ARHGEF7: variants seen among roughly 807,000 people sequenced by gnomAD.
The protein encoded by ARHGEF7 is Rho guanine nucleotide exchange factor 7, also known as PAK-interacting exchange factor beta.
ARHGEF7 carries 33 observed loss-of-function variants against 109.8 expected under a neutral mutation model. That is an observed-to-expected ratio of 0.30 (90% CI 0.23 to 0.40). The LOEUF (loss-of-function observed/expected upper bound fraction) is 0.40. Ranked by LOEUF, ARHGEF7 falls within the 10% of genes least tolerant of loss-of-function variation. The pLI is 1.00. For missense variants in ARHGEF7, 938 were observed against 1,098.5 expected (o/e 0.85, Z 2.07); for synonymous variants, 458 against 424.6 (o/e 1.08, Z -0.97).
chr13:111,286,269 G>A, intron 17 of ARHGEF7, 29 bp downstream of exon 17: 1 of 1,577,122 alleles, frequency 6.3e-7, no homozygotes. Flanking sequence ...TGTGGTGGAG[G>A]ACGTGGCCTC....
rs1418549727 is a variant in ARHGEF7 at position 111,273,723 on chromosome 13, A to T, written c.1074-91A>T. On this transcript the variant is annotated intron_variant, in intron 9 of 21. Transcript: ENST00000646102. This position sits in a 1 kb window ranked among gnomAD's most constrained non-coding sequence, Gnocchi z 4.5. ...ATGTTAAAAGCAACACTTATGTTTC[A>T]TAAATTCTGGCTGTTGCTCATGGAG... is the stretch of plus-strand genomic sequence containing the variant. The T allele has an allele frequency of 1.3e-6, 2 of 1,544,602 alleles. No homozygotes were observed. Among genetic ancestry groups the T allele is most frequent in the Non-Finnish European group, 1.8e-6 (2 of 1,124,396 alleles).
intron 4 of ARHGEF7, among the ~76,000 whole-genome samples, chr13:111,211,020 A>AT (rs2082425231): frequency 6.6e-6 from 1 of 152,156 alleles, no homozygotes; most frequent in Non-Finnish European, 1.5e-5. Context: ...GAGGAATGTG[A>AT]TTTTTATGTT....
intron 2 of ARHGEF7, among the ~76,000 whole-genome samples, chr13:111,173,833 G>A (rs1302217585): frequency 6.6e-6 from 1 of 152,162 alleles, no homozygotes; most frequent in Non-Finnish European, 1.5e-5. Context: ...CCGTGAGACA[G>A]GTGCGGGTGT....
At chr13:111,154,889 G>C (rs2076187906) in intron 2 of ARHGEF7, among the ~76,000 whole-genome samples, 1 of 152,028 alleles carries the variant, frequency 6.6e-6, no homozygotes, top group Non-Finnish European at 1.5e-5. Flanking sequence ...TCTGTAAACT[G>C]AGATGGGCAA....
chr13:111,129,686 A>C (rs1390636106), intron 1 of ARHGEF7, among the ~76,000 whole-genome samples: 1 of 152,228 alleles, frequency 6.6e-6, no homozygotes, highest in Non-Finnish European at 1.5e-5. Flanking sequence ...ACCACTACAC[A>C]CGTATCATCA....
chr13:111,177,827 G>A (rs2078313262), intron 2 of ARHGEF7, among the ~76,000 whole-genome samples: 1 of 148,734 alleles, frequency 6.7e-6, no homozygotes, highest in African/African-American at 2.4e-5. Flanking sequence ...CAGATGGTGG[G>A]GAAAAAAGTG....
intron 1 of ARHGEF7, among the ~76,000 whole-genome samples, chr13:111,120,761 A>G (rs9555773): frequency 0.13 from 19,487 of 152,244 alleles, 1,469 homozygotes; most frequent in East Asian, 0.22. Flanking sequence ...ATGTCTGCCC[A>G]GCATGGCAGG....
Position 111,206,974 on chromosome 13 carries a change from AAG to A in ARHGEF7, c.337+1603_337+1604del, listed in dbSNP as rs1491061939. Among the ~76,000 whole-genome samples the A allele has an allele frequency of 5.0e-4, 69 of 139,058 alleles. 10 individuals carry two copies. The highest frequency in any genetic ancestry group is 7.0e-4 in the South Asian group (3 of 4,268). The allele number at this position is 139,058 out of a possible 152,430, so 91.2% of individuals were successfully genotyped here. ...GAGACTCCATCTAAAAAAAAAAAAA[AAG>A]AAAAAGAAAAAAAAAGAAAATCACT... On this transcript the variant is annotated intron_variant, in intron 3 of 21. Transcript: ENST00000646102.
chr13:111,246,203 G>A (rs1054793151), intron 8 of ARHGEF7, among the ~76,000 whole-genome samples: 2 of 152,208 alleles, frequency 1.3e-5, no homozygotes, highest in Admixed American at 1.3e-4. Context: ...TAGTCTATCA[G>A]GTGAGGTTTC....
chr13:111,223,877 G>A (rs956620072), intron 5 of ARHGEF7, among the ~76,000 whole-genome samples: 3 of 139,074 alleles, frequency 2.2e-5, no homozygotes, highest in African/African-American at 8.6e-5. Flanking sequence ...TTTTTTTTGA[G>A]ACAGAGTCTT....
intron 18 of ARHGEF7, among the ~76,000 whole-genome samples, chr13:111,289,439 C>T (rs555591281): frequency 2.0e-3 from 303 of 152,316 alleles, no homozygotes; most frequent in Non-Finnish European, 3.1e-3. Context: ...CTGGCATCTG[C>T]GTGCCCACAA....
intron 1 of ARHGEF7, among the ~76,000 whole-genome samples, chr13:111,142,279 C>T (rs576654056): frequency 1.1e-5 from 1 of 91,938 alleles, no homozygotes; most frequent in Admixed American, 1.1e-4. Context: ...CTTGTTCTCT[C>T]AAGGACTTCG....
At chr13:111,142,150 C>A (rs2075377078) in intron 1 of ARHGEF7, among the ~76,000 whole-genome samples, 1 of 151,688 alleles carries the variant, frequency 6.6e-6, no homozygotes, top group Admixed American at 6.6e-5. Flanking sequence ...GATCTTTTGC[C>A]CATTTTAAAA....
chr13:111,174,869 T>C (rs752561853), intron 2 of ARHGEF7, among the ~76,000 whole-genome samples: 17 of 152,216 alleles, frequency 1.1e-4, no homozygotes, highest in Non-Finnish European at 2.2e-4. Flanking sequence ...GACTAGAAGT[T>C]GCTGACAGTC....
chr13:111,226,934 C>T (rs1044897668), intron 5 of ARHGEF7, among the ~76,000 whole-genome samples: 24 of 152,266 alleles, frequency 1.6e-4, no homozygotes, highest in Middle Eastern at 3.4e-3. Context: ...GTTTGGAAGA[C>T]ATTGATTCTA....
intron 2 of ARHGEF7, among the ~76,000 whole-genome samples, chr13:111,200,052 GGACTACTCGGT>G (rs2153458750): frequency 6.6e-6 from 1 of 152,246 alleles, no homozygotes; most frequent in Non-Finnish European, 1.5e-5. Flanking sequence ...CTGCCGCCGT[GGACTACTCGGT>G]GACTCCTCCT....
At chr13:111,172,256 T>C (rs755679251) in intron 2 of ARHGEF7, among the ~76,000 whole-genome samples, 8 of 152,160 alleles carry the variant, frequency 5.3e-5, no homozygotes, top group Non-Finnish European at 8.8e-5. Context: ...GCATAGTCTC[T>C]TTGGAAATGT....
At chr13:111,246,460 C>T (rs900874135) in intron 8 of ARHGEF7, among the ~76,000 whole-genome samples, 1 of 152,136 alleles carries the variant, frequency 6.6e-6, no homozygotes, top group Admixed American at 6.5e-5. Flanking sequence ...TGTTCCCTTA[C>T]CTTTTTGGCT....
intron 19 of ARHGEF7, chr13:111,294,273 CTTT>C (rs2093372242): frequency 1.0e-6 from 1 of 985,326 alleles, no homozygotes; most frequent in South Asian, 4.7e-5. Context: ...TCAGGGAGCA[CTTT>C]TTTGTTTGCC....
Sources: gnomAD v4.1 joint callset for allele counts (sites outside exome capture counted in the v4.1 genomes callset) on GRCh38, gnomAD v4.1.1 for gene constraint, Gnocchi (gnomAD v3.1) non-coding constraint, MANE v1.5 for transcripts, NCBI Gene and HGNC (gene_info 2026-07-23, HGNC 2026-07-21) for gene names.